FSTL5: variants seen among roughly 807,000 people sequenced by gnomAD.
The protein encoded by FSTL5 is follistatin-related protein 5.
FSTL5 carries 62 observed loss-of-function variants against 89.1 expected under a neutral mutation model. That is an observed-to-expected ratio of 0.70 (90% CI 0.57 to 0.86). The LOEUF (loss-of-function observed/expected upper bound fraction) is 0.86, where lower values mean the gene tolerates loss of function less well. Among genes scored for constraint, FSTL5 ranks in the 40% least tolerant of loss-of-function variants. The pLI, the probability that FSTL5 is intolerant of heterozygous loss-of-function variation, is 0.00. For synonymous variants in FSTL5, 383 were observed against 346.2 expected (o/e 1.11, Z -1.18); for missense variants, 1,057 against 1,001.6 (o/e 1.06, Z -0.75).
intron 15 of FSTL5, among the ~76,000 whole-genome samples, chr4:161,411,965 C>T (rs938616901): frequency 6.6e-6 from 1 of 152,076 alleles, no homozygotes; most frequent in African/African-American, 2.4e-5. Context: ...CTAAAAGGCT[C>T]CTAGAATTGA....
chr4:161,755,082 G>A (rs1044484386), intron 6 of FSTL5, among the ~76,000 whole-genome samples: 5 of 151,992 alleles, frequency 3.3e-5, no homozygotes, highest in African/African-American at 1.2e-4. Context: ...ATATTCAAAA[G>A]TATGTCACTA....
chr4:162,080,846 T>C (rs972157948), intron 2 of FSTL5, among the ~76,000 whole-genome samples: 1 of 151,658 alleles, frequency 6.6e-6, no homozygotes, highest in African/African-American at 2.4e-5. Flanking sequence ...CACAATTTCA[T>C]AACAGACAAA....
intron 15 of FSTL5, among the ~76,000 whole-genome samples, chr4:161,451,149 T>A (rs1407820839): frequency 6.6e-6 from 1 of 152,142 alleles, no homozygotes; most frequent in East Asian, 1.9e-4. Context: ...CAAATTTATA[T>A]TTCTTATGTC....
chr4:161,550,195 A>G (rs896832638), intron 8 of FSTL5, among the ~76,000 whole-genome samples: 7 of 151,930 alleles, frequency 4.6e-5, no homozygotes, highest in Non-Finnish European at 1.0e-4. Context: ...AAGCAGAAAA[A>G]TAATAGACCT....
intron 6 of FSTL5, among the ~76,000 whole-genome samples, chr4:161,743,385 T>TATTCC (rs1187459196): frequency 1.3e-5 from 2 of 152,160 alleles, no homozygotes; most frequent in Non-Finnish European, 2.9e-5. Flanking sequence ...TTTTATCTTC[T>TATTCC]ATTCCATTCC....
intron 14 of FSTL5, among the ~76,000 whole-genome samples, chr4:161,458,893 T>C (rs917605053): frequency 6.6e-6 from 1 of 152,252 alleles, no homozygotes; most frequent in Non-Finnish European, 1.5e-5. Context: ...ATTCTCTTTG[T>C]CTCTATTGTA....
chr4:161,633,339 T>C (rs1169393620), intron 7 of FSTL5, among the ~76,000 whole-genome samples: 1 of 145,358 alleles, frequency 6.9e-6, no homozygotes, highest in Non-Finnish European at 1.5e-5. Context: ...ACTTTACATT[T>C]TAGGGTACAT....
At chr4:161,969,715 T>C (rs1353244873) in intron 3 of FSTL5, among the ~76,000 whole-genome samples, 1 of 152,058 alleles carries the variant, frequency 6.6e-6, no homozygotes, top group African/African-American at 2.4e-5. Context: ...CTAATATAGA[T>C]GTATTGTGGT....
intron 4 of FSTL5, among the ~76,000 whole-genome samples, chr4:161,803,456 C>G (rs185734943): frequency 1.8e-4 from 28 of 151,986 alleles, no homozygotes; most frequent in South Asian, 4.1e-4. Flanking sequence ...TTTACTACAT[C>G]ACGTAAGTTT....
At chr4:161,532,062 G>T (rs550974870) in intron 10 of FSTL5, among the ~76,000 whole-genome samples, 1 of 151,884 alleles carries the variant, frequency 6.6e-6, no homozygotes, top group Admixed American at 6.6e-5. Flanking sequence ...AAAATTAGCC[G>T]GGCGTGGTGG....
At chr4:161,557,415 T>C (rs1056628434) in intron 8 of FSTL5, among the ~76,000 whole-genome samples, 6 of 151,672 alleles carry the variant, frequency 4.0e-5, no homozygotes, top group Admixed American at 2.6e-4. Flanking sequence ...AGGAGAGTTA[T>C]GCTGTTATTT....
intron 7 of FSTL5, among the ~76,000 whole-genome samples, chr4:161,646,950 T>C (rs1195583990): frequency 2.6e-5 from 4 of 152,222 alleles, no homozygotes; most frequent in African/African-American, 9.6e-5. Context: ...CTTCCATACA[T>C]TGCCTCCCCA....
chr4:161,726,644 A>G (rs1468467467), intron 6 of FSTL5, among the ~76,000 whole-genome samples: 1 of 152,164 alleles, frequency 6.6e-6, no homozygotes, highest in Non-Finnish European at 1.5e-5. Flanking sequence ...TTTGCATCAC[A>G]TAGGACTATT....
chr4:161,722,110 T>C (rs1278010464), intron 6 of FSTL5, among the ~76,000 whole-genome samples: 2 of 152,182 alleles, frequency 1.3e-5, no homozygotes, highest in South Asian at 2.1e-4. Flanking sequence ...CTAGCTTCTA[T>C]ATCCTTGCCT....
chr4:161,409,436 C>T (rs1731511139), intron 15 of FSTL5, among the ~76,000 whole-genome samples: 1 of 151,758 alleles, frequency 6.6e-6, no homozygotes, highest in Non-Finnish European at 1.5e-5. Flanking sequence ...AGGTGGAGTC[C>T]AGTGGCGTGA....
chr4:162,033,807 A>AT (rs72372775), intron 2 of FSTL5, 149 bp from the exon 3 acceptor site: 34,550 of 507,412 alleles, frequency 0.068, 1,151 homozygotes, highest in East Asian at 0.14. Flanking sequence ...TTTACATATA[A>AT]TTTTTTTTTG....
Position 161,500,098 on chromosome 4 carries a change from T to C in FSTL5, c.1376A>G (p.Glu459Gly), listed in dbSNP as rs768436797. The change falls in exon 12 of 16, where the codon GAA becomes GGA. Residue 459 changes from glutamate (E) to glycine (G), a missense_variant. Transcript: ENST00000306100. ...GGGTTGTATCACTTTGATTCCATCT[T>C]CATAAAAAACATAGAACATGTTCCC... The part of the protein sequence containing the change: ...GIGNMFYVFY[E>G]DGIKVIQPIE... 1.9e-6 allele frequency: 3 copies of C among 1,606,712 alleles called. No individual in the cohort carries two copies. Among genetic ancestry groups the C allele is most frequent in the South Asian group, 1.1e-5 (1 of 90,312 alleles).
At chr4:161,427,717 A>G (rs181848270) in intron 15 of FSTL5, among the ~76,000 whole-genome samples, 118 of 152,298 alleles carry the variant, frequency 7.7e-4, no homozygotes, top group African/African-American at 2.5e-3. Flanking sequence ...TATATAAATG[A>G]TACGTAAAGA....
chr4:161,858,795 C>T (rs1237257479), intron 4 of FSTL5, among the ~76,000 whole-genome samples: 1 of 152,164 alleles, frequency 6.6e-6, no homozygotes, highest in Non-Finnish European at 1.5e-5. Flanking sequence ...TCCATGGAGC[C>T]TCTCTCCTGC....
Sources: allele counts gnomAD v4.1 joint callset (sites outside exome capture counted in the v4.1 genomes callset), GRCh38; gene constraint gnomAD v4.1.1; transcripts MANE v1.5; gene names NCBI Gene and HGNC (gene_info 2026-07-23, HGNC 2026-07-21).